Variants in LARGE1 observed in about 807,000 individuals in gnomAD.
LARGE1 encodes LARGE xylosyl- and glucuronyltransferase 1.
In LARGE1, 43 loss-of-function variants were observed where a neutral mutation model predicts 87.6. The ratio of observed to expected loss-of-function variants is 0.49; its 90% CI spans 0.38 to 0.63. The LOEUF (loss-of-function observed/expected upper bound fraction) is 0.63. Among genes scored for constraint, LARGE1 ranks in the 30% least tolerant of loss-of-function variants. LARGE1 has a pLI of 0.00. For synonymous variants in LARGE1, 434 were observed against 394.6 expected, an observed-to-expected ratio of 1.10 and a Z score of -1.18; for missense variants, 802 against 1,000.2, an observed-to-expected ratio of 0.80 and a Z score of 2.67.
intron 2 of LARGE1, among the ~76,000 whole-genome samples, chr22:33,685,215 T>C (rs1311437357): frequency 6.6e-6 from 1 of 152,202 alleles, no homozygotes; most frequent in Non-Finnish European, 1.5e-5. Flanking sequence ...GGGCACTGGA[T>C]GAAGTGCTGA....
At chr22:33,502,701 T>C (rs532801944) in intron 6 of LARGE1, among the ~76,000 whole-genome samples, 1 of 152,114 alleles carries the variant, frequency 6.6e-6, no homozygotes, top group Admixed American at 6.5e-5. Flanking sequence ...CCCAAGTAGC[T>C]GGGACTACAG....
intron 1 of LARGE1, among the ~76,000 whole-genome samples, chr22:33,875,897 G>A (rs1405291119): frequency 6.6e-6 from 1 of 152,090 alleles, no homozygotes; most frequent in African/African-American, 2.4e-5. Flanking sequence ...GTGCCCGGGG[G>A]CCAGGAGCAT....
intron 4 of LARGE1, among the ~76,000 whole-genome samples, chr22:33,614,859 A>G (rs2079538762): frequency 7.5e-6 from 1 of 133,058 alleles, no homozygotes; most frequent in South Asian, 2.4e-4. Flanking sequence ...TTTACTCTCT[A>G]CAACCCCAGC....
At chr22:33,568,623 G>A (rs1602481531) in intron 5 of LARGE1, among the ~76,000 whole-genome samples, 1 of 152,084 alleles carries the variant, frequency 6.6e-6, no homozygotes, top group South Asian at 2.1e-4. Context: ...AAAATTAGCC[G>A]GGTGTGGTGG....
intron 2 of LARGE1, among the ~76,000 whole-genome samples, chr22:33,683,916 C>G (rs1013785373): frequency 1.3e-5 from 2 of 152,060 alleles, no homozygotes; most frequent in African/African-American, 2.4e-5. Flanking sequence ...GTAGGTAAAG[C>G]GCCACCACAG....
intron 6 of LARGE1, among the ~76,000 whole-genome samples, chr22:33,457,123 TTTTA>T (rs1174157252): frequency 6.6e-6 from 1 of 151,842 alleles, no homozygotes; most frequent in African/African-American, 2.4e-5. Flanking sequence ...TGAACATAAT[TTTTA>T]TTTATTTATT....
intron 11 of LARGE1, among the ~76,000 whole-genome samples, chr22:33,180,203 G>A (rs565684179): frequency 1.3e-5 from 2 of 152,276 alleles, no homozygotes; most frequent in South Asian, 4.1e-4. Flanking sequence ...TGTAATAGCA[G>A]CAGAAATGGA....
chr22:33,091,515 G>A, the LARGE1 span, among the ~76,000 whole-genome samples: 6 of 152,046 alleles, frequency 3.9e-5, no homozygotes, highest in South Asian at 6.2e-4. Flanking sequence ...AGCTGAGATC[G>A]CGCCACTGCT....
intron 5 of LARGE1, among the ~76,000 whole-genome samples, chr22:33,570,520 C>T (rs1211391654): frequency 6.6e-6 from 1 of 151,868 alleles, no homozygotes; most frequent in Non-Finnish European, 1.5e-5. Flanking sequence ...TGGTGACGTG[C>T]TCCTGCAGTC....
At chr22:33,806,808 G>A (rs941843104) in intron 1 of LARGE1, among the ~76,000 whole-genome samples, 2 of 152,092 alleles carry the variant, frequency 1.3e-5, no homozygotes, top group African/African-American at 4.8e-5. Context: ...TCAAGAGATC[G>A]AGACCATCCT....
rs895871007 is a variant in LARGE1, at chr22:33,738,860, A to AG, written c.106+22510_106+22511insC. ...ACTCCGTCTCAAAAAAAAAAAAAAA[A>AG]AGAGAGACCATGCTTCCCAGTTTCC... On this transcript the variant is annotated intron_variant, in intron 2 of 14. Transcript: ENST00000397394. 7.3e-5 allele frequency among the ~76,000 whole-genome samples: 11 copies of AG among 150,792 alleles called. 1 individual carries two copies. The highest frequency in any genetic ancestry group is 2.1e-4 in the South Asian group (1 of 4,754).
chr22:33,596,039 A>G (rs1278221382), intron 5 of LARGE1, among the ~76,000 whole-genome samples: 1 of 152,208 alleles, frequency 6.6e-6, no homozygotes, highest in Non-Finnish European at 1.5e-5. Context: ...CAAAAGCAGA[A>G]GATTAATGAC....
At chr22:33,805,114 TA>T (rs2086268960) in intron 1 of LARGE1, among the ~76,000 whole-genome samples, 1 of 152,164 alleles carries the variant, frequency 6.6e-6, no homozygotes, top group Non-Finnish European at 1.5e-5. Context: ...GGTGCTCAAA[TA>T]AAAAACTAGA....
chr22:33,682,397 ACTT>A (rs2149306923), intron 2 of LARGE1, among the ~76,000 whole-genome samples: 1 of 152,100 alleles, frequency 6.6e-6, no homozygotes, highest in South Asian at 2.1e-4. Flanking sequence ...CACCCTTCCC[ACTT>A]CTTCTCCTGC....
intron 11 of LARGE1, among the ~76,000 whole-genome samples, chr22:33,191,237 TG>T (rs1443315455): frequency 2.0e-5 from 3 of 152,144 alleles, no homozygotes; most frequent in African/African-American, 7.2e-5. Flanking sequence ...GATATGATGA[TG>T]GAAACAGATA....
At chr22:33,464,201 A>G (rs1250910170) in intron 6 of LARGE1, among the ~76,000 whole-genome samples, 1 of 152,220 alleles carries the variant, frequency 6.6e-6, no homozygotes, top group Non-Finnish European at 1.5e-5. Context: ...AAATCTTGGA[A>G]CAAATCACTA....
chr22:33,676,372 CAAAAAAAAAAAAAAAAAAAAA>C (rs10567981), intron 2 of LARGE1, among the ~76,000 whole-genome samples: 6 of 16,284 alleles, frequency 3.7e-4, no homozygotes, highest in African/African-American at 8.8e-4. Context: ...GATTCAATGG[CAAAAAAAAAAAAAAAAAAAAA>C]AAAAAAAAAA....
At chr22:33,364,324 T>C (rs2064504868) in intron 9 of LARGE1, among the ~76,000 whole-genome samples, 1 of 152,216 alleles carries the variant, frequency 6.6e-6, no homozygotes, top group Non-Finnish European at 1.5e-5. Flanking sequence ...CCCAAAGTGC[T>C]GGGATTACAG....
At chr22:33,770,210 G>T (rs567564127) in intron 1 of LARGE1, among the ~76,000 whole-genome samples, 53 of 152,330 alleles carry the variant, frequency 3.5e-4, no homozygotes, top group African/African-American at 1.3e-3. Flanking sequence ...CAAATTACAA[G>T]TTAGTGTTGA....
Sources: allele counts gnomAD v4.1 joint callset (sites outside exome capture counted in the v4.1 genomes callset), GRCh38; gene constraint gnomAD v4.1.1; transcripts MANE v1.5; gene names NCBI Gene and HGNC (gene_info 2026-07-23, HGNC 2026-07-21).